The following NAALADL2 variants were observed in gnomAD, a reference collection of about 807,000 sequenced individuals.
The protein encoded by NAALADL2 is inactive N-acetylated-alpha-linked acidic dipeptidase-like protein 2.
NAALADL2 carries 76 observed loss-of-function variants against 87.2 expected under a neutral mutation model. That is an observed-to-expected ratio of 0.87 (90% CI 0.72 to 1.05). NAALADL2 has a LOEUF of 1.05. Among genes scored for constraint, NAALADL2 ranks in the 50% least tolerant of loss-of-function variants. NAALADL2 has a pLI of 0.00. For missense variants in NAALADL2, 1,089 were observed against 945.8 expected, an observed-to-expected ratio of 1.15 and a Z score of -1.99; for synonymous variants, 354 against 331.0, an observed-to-expected ratio of 1.07 and a Z score of -0.75.
intron 2 of NAALADL2, among the ~76,000 whole-genome samples, chr3:174,641,802 G>A (rs1401086573): frequency 2.6e-5 from 4 of 152,112 alleles, no homozygotes; most frequent in South Asian, 2.1e-4. Flanking sequence ...GTCACCCAGG[G>A]TGGATTGCAG....
intron 2 of NAALADL2, among the ~76,000 whole-genome samples, chr3:174,668,033 C>A (rs899146021): frequency 6.6e-6 from 1 of 151,962 alleles, no homozygotes; most frequent in Non-Finnish European, 1.5e-5. Context: ...AAAACTTGTT[C>A]TGTTCTTATT....
At chr3:174,583,634 C>T (rs1427497873) in intron 2 of NAALADL2, among the ~76,000 whole-genome samples, 1 of 152,140 alleles carries the variant, frequency 6.6e-6, no homozygotes, top group Non-Finnish European at 1.5e-5. Context: ...ATGATAATGT[C>T]TCAGTCTCTT....
At chr3:175,371,153 CTT>C (rs200544257) in intron 5 of NAALADL2, among the ~76,000 whole-genome samples, 8 of 151,364 alleles carry the variant, frequency 5.3e-5, no homozygotes, top group African/African-American at 1.7e-4. Context: ...CAGTAATTCA[CTT>C]TTTTTTTATA....
chr3:175,446,922 CT>C (rs1163460862), intron 5 of NAALADL2, among the ~76,000 whole-genome samples: 1 of 152,144 alleles, frequency 6.6e-6, no homozygotes, highest in Non-Finnish European at 1.5e-5. Flanking sequence ...CTCCTGGCCC[CT>C]GTACCTTTAT....
intron 1 of NAALADL2, among the ~76,000 whole-genome samples, chr3:175,023,497 A>T (rs112567417): frequency 0.057 from 8,680 of 152,138 alleles, 305 homozygotes; most frequent in Middle Eastern, 0.12. Context: ...GAAGAAAATA[A>T]GAAACATCTT....
intron 2 of NAALADL2, among the ~76,000 whole-genome samples, chr3:175,233,171 A>G (rs1745244240): frequency 6.6e-6 from 1 of 152,200 alleles, no homozygotes; most frequent in African/African-American, 2.4e-5. Context: ...GTAATTTGGC[A>G]TAAAATTTGT....
chr3:174,743,837 T>A (rs1733992018), intron 3 of NAALADL2, among the ~76,000 whole-genome samples: 1 of 151,878 alleles, frequency 6.6e-6, no homozygotes, highest in African/African-American at 2.4e-5. Context: ...ATTTAGAATC[T>A]CATCATGTGC....
intron 3 of NAALADL2, among the ~76,000 whole-genome samples, chr3:174,807,554 T>C (rs1348111990): frequency 6.6e-6 from 1 of 152,158 alleles, no homozygotes; most frequent in African/African-American, 2.4e-5. Context: ...GTTGCCATGC[T>C]AATAGCTTCA....
In NAALADL2 at chr3:175,667,235, G is replaced by T. The variant is rs1055798485; in HGVS notation, c.1896+39849G>T. On this transcript the variant is annotated intron_variant, in intron 11 of 13. Transcript: ENST00000454872. ...AGAAAGAAAGAAAGAAAGAAAGAAA[G>T]AAAGAAAAAGAAAGAAAGAAAGAAA... Among the ~76,000 whole-genome samples the T allele has an allele frequency of 4.3e-4, 48 of 112,640 alleles. 1 individual carries two copies. Among genetic ancestry groups the T allele is most frequent in the African/African-American group, 2.1e-3 (48 of 22,542 alleles). The allele number at this position is 112,640 out of a possible 152,430, so 73.9% of individuals were successfully genotyped here.
chr3:175,523,309 A>G lies in NAALADL2; in HGVS notation c.1653+51551A>G, dbSNP rs141033714. Among the ~76,000 whole-genome samples, 31 of 152,342 alleles carry G rather than the reference A, an allele frequency of 2.0e-4. No individual in the cohort carries two copies. In the East Asian group the frequency reaches 5.8e-3, roughly 28 times the overall value. On this transcript the variant is annotated intron_variant, in intron 9 of 13. Transcript: ENST00000454872. Reference sequence around the variant, plus strand: ...AATGCTGCTAAATATTCTAAAATGTATCAGACAGTCTTCCACAACACAAAT... The same window carrying G: ...AATGCTGCTAAATATTCTAAAATGTGTCAGACAGTCTTCCACAACACAAAT...
At chr3:175,762,929 A>G (rs1054297455) in intron 13 of NAALADL2, among the ~76,000 whole-genome samples, 41 of 149,988 alleles carry the variant, frequency 2.7e-4, no homozygotes, top group South Asian at 6.2e-4. Context: ...CTAAAAATAC[A>G]AAAAATTAGC....
chr3:174,810,189 G>A (rs1239930303), intron 3 of NAALADL2, among the ~76,000 whole-genome samples: 1 of 152,074 alleles, frequency 6.6e-6, no homozygotes, highest in Non-Finnish European at 1.5e-5. Context: ...CTTAAGAGTG[G>A]GACATTGCTG....
intron 11 of NAALADL2, among the ~76,000 whole-genome samples, chr3:175,633,575 T>C (rs1560887190): frequency 6.6e-6 from 1 of 151,940 alleles, no homozygotes; most frequent in African/African-American, 2.4e-5. Flanking sequence ...AAATGCTCTA[T>C]AGTATATATA....
chr3:174,793,016 T>C (rs1449878173), intron 3 of NAALADL2, among the ~76,000 whole-genome samples: 1 of 152,160 alleles, frequency 6.6e-6, no homozygotes, highest in Non-Finnish European at 1.5e-5. Context: ...AAATATGTCA[T>C]AAGCATTGAA....
At chr3:174,935,714 TAAA>T (rs1410427303) in intron 1 of NAALADL2, among the ~76,000 whole-genome samples, 9 of 152,142 alleles carry the variant, frequency 5.9e-5, no homozygotes, top group Non-Finnish European at 1.0e-4. Flanking sequence ...CCTTGTATAA[TAAA>T]TTTCTTCAGA....
intron 2 of NAALADL2, among the ~76,000 whole-genome samples, chr3:174,591,916 C>G (rs1413997714): frequency 6.6e-6 from 1 of 151,688 alleles, no homozygotes; most frequent in Non-Finnish European, 1.5e-5. Context: ...GCCATAATAC[C>G]CTATCTGACA....
chr3:175,724,518 T>G (rs1166908477), intron 11 of NAALADL2, among the ~76,000 whole-genome samples: 1 of 152,168 alleles, frequency 6.6e-6, no homozygotes, highest in East Asian at 1.9e-4. Flanking sequence ...TTTTAAAATG[T>G]CAAGTCTCAC....
intron 2 of NAALADL2, among the ~76,000 whole-genome samples, chr3:174,571,779 G>A (rs1714956483): frequency 6.6e-6 from 1 of 152,070 alleles, no homozygotes; most frequent in Non-Finnish European, 1.5e-5. Flanking sequence ...CACTTTATAT[G>A]TTTTATAAGG....
chr3:175,737,714 GTTTTTTTTTT>G (rs71164650), intron 12 of NAALADL2, among the ~76,000 whole-genome samples: 11 of 54,760 alleles, frequency 2.0e-4, no homozygotes, highest in Middle Eastern at 0.024. Flanking sequence ...CAATGATCCA[GTTTTTTTTTT>G]TTTTTTTTTT....
Sources: allele counts gnomAD v4.1 joint callset (sites outside exome capture counted in the v4.1 genomes callset), GRCh38; gene constraint gnomAD v4.1.1; transcripts MANE v1.5; gene names NCBI Gene and HGNC (gene_info 2026-07-23, HGNC 2026-07-21).